Variants in SLC25A51 observed in about 807,000 individuals in gnomAD.
SLC25A51 encodes mitochondrial nicotinamide adenine dinucleotide transporter SLC25A51.
In SLC25A51, 11 loss-of-function variants were observed where a neutral mutation model predicts 19.1. That is an observed-to-expected ratio of 0.58 (90% confidence interval 0.36 to 0.96). SLC25A51 has a LOEUF of 0.96. Ranked by LOEUF, SLC25A51 falls within the 40% of genes least tolerant of loss-of-function variation. SLC25A51 has a pLI of 0.01. For synonymous variants in SLC25A51, 105 were observed against 133.6 expected, an observed-to-expected ratio of 0.79 and a Z score of 1.47; for missense variants, 201 against 365.4, an observed-to-expected ratio of 0.55 and a Z score of 3.67.
chr9:37,894,662 GGTTT>G (rs1429944056), intron 2 of SLC25A51, among the ~76,000 whole-genome samples: 1 of 152,048 alleles, frequency 6.6e-6, no homozygotes, highest in Non-Finnish European at 1.5e-5. Flanking sequence ...TACGTGTGCA[GGTTT>G]GTTATGTAAA....
At chr9:37,889,255 G>A (rs1381702364) in intron 2 of SLC25A51, among the ~76,000 whole-genome samples, 4 of 152,140 alleles carry the variant, frequency 2.6e-5, no homozygotes, top group Non-Finnish European at 4.4e-5. Flanking sequence ...AGCAAGACAT[G>A]CACTCATTCT....
At chr9:37,891,872 A>G (rs1269031426) in intron 2 of SLC25A51, among the ~76,000 whole-genome samples, 1 of 143,444 alleles carries the variant, frequency 7.0e-6, no homozygotes, top group African/African-American at 2.6e-5. Context: ...AAAATTTTAT[A>G]TATATATATA....
chr9:37,900,542 C>A (rs1587173309), intron 1 of SLC25A51, among the ~76,000 whole-genome samples: 2 of 152,162 alleles, frequency 1.3e-5, no homozygotes, highest in South Asian at 4.2e-4. Context: ...ACCCCTGGGG[C>A]CTCAGTCTCC....
chr9:37,893,583 T>TCCATACCACCTCTAAG (rs2118344120), intron 2 of SLC25A51, among the ~76,000 whole-genome samples: 1 of 152,342 alleles, frequency 6.6e-6, no homozygotes, highest in African/African-American at 2.4e-5. Flanking sequence ...CAAAATATTT[T>TCCATACCACCTCTAAG]GTTCAGTTGA....
chr9:37,887,457 A>G, downstream of SLC25A51: 1 of 606,268 alleles, frequency 1.6e-6, no homozygotes, highest in Non-Finnish European at 2.8e-6. Flanking sequence ...TAGAGGCTTG[A>G]GACTTTCCTT....
downstream of SLC25A51, among the ~76,000 whole-genome samples, chr9:37,884,073 T>C (rs1397382162): frequency 6.6e-6 from 1 of 152,238 alleles, no homozygotes; most frequent in Non-Finnish European, 1.5e-5. Context: ...AATATTCATA[T>C]GCAATTATCC....
chr9:37,884,039 C>G (rs79062820), downstream of SLC25A51, among the ~76,000 whole-genome samples: 810 of 152,214 alleles, frequency 5.3e-3, 6 homozygotes, highest in African/African-American at 0.019. Flanking sequence ...CAAGTTGAGG[C>G]CTTTATTTTG....
downstream of SLC25A51, among the ~76,000 whole-genome samples, chr9:37,885,521 C>T (rs1385329529): frequency 6.6e-6 from 1 of 152,134 alleles, no homozygotes; most frequent in East Asian, 1.9e-4. Context: ...TCCCGAGTAG[C>T]TAGGACTACA....
At chr9:37,882,483 C>T (rs1831368187) in intron 2 of SLC25A51, among the ~76,000 whole-genome samples, 1 of 152,212 alleles carries the variant, frequency 6.6e-6, no homozygotes, top group Non-Finnish European at 1.5e-5. Context: ...TAATTATATA[C>T]ACAAACGCTT....
chr9:37,901,673 A>AG (rs1831851108), intron 1 of SLC25A51, among the ~76,000 whole-genome samples: 1 of 152,182 alleles, frequency 6.6e-6, no homozygotes, highest in Non-Finnish European at 1.5e-5. Context: ...ATAAGATTAA[A>AG]GGGAAAAAAA....
At chr9:37,888,675 A>G (rs1831516322) in intron 2 of SLC25A51, 83 bp from the exon 3 acceptor site, 3 of 1,071,234 alleles carry the variant, frequency 2.8e-6, no homozygotes, top group Non-Finnish European at 4.0e-6. Context: ...ATCCTCTAAT[A>G]TCTGGACACC....
intron 2 of SLC25A51, among the ~76,000 whole-genome samples, chr9:37,894,235 T>C (rs1347333994): frequency 6.6e-6 from 1 of 152,108 alleles, no homozygotes; most frequent in African/African-American, 2.4e-5. Context: ...TGAGTGGGTA[T>C]ACAAAAGATA....
At chr9:37,901,436 T>G (rs1831846840) in intron 1 of SLC25A51, among the ~76,000 whole-genome samples, 1 of 152,244 alleles carries the variant, frequency 6.6e-6, no homozygotes, top group African/African-American at 2.4e-5. Flanking sequence ...CCCAAAGTGC[T>G]GGGATTACAG....
At chr9:37,888,624 G>A (rs183721121) in intron 2 of SLC25A51, 32 bp from the exon 3 acceptor site, 13 of 1,496,974 alleles carry the variant, frequency 8.7e-6, no homozygotes, top group African/African-American at 1.4e-5. Flanking sequence ...GGGTAAACCC[G>A]TTTTATAGAG....
downstream of SLC25A51, chr9:37,878,488 GT>G: frequency 1.0e-5 from 2 of 197,986 alleles, no homozygotes; most frequent in South Asian, 1.1e-4. Context: ...AAGTGGAGAT[GT>G]TTTTCAAGGA....
At position 37,889,634 on chromosome 9, in the gene SLC25A51, T is replaced by A. The variant is rs1831536414; in HGVS notation, c.-42-1042A>T. Among the ~76,000 whole-genome samples the A allele has an allele frequency of 4.0e-5, 6 of 151,698 alleles. No homozygotes were observed. The South Asian group carries it at 1.3e-3, about 32-fold the overall frequency. ...CAGCTAGTAACTGGTGGGGTCAGCA[T>A]TCTGAAATGAAGTCTGAGTGATTCC... On this transcript the variant is annotated intron_variant, in intron 2 of 2. Transcript: ENST00000242275.
intron 3 of SLC25A51, among the ~76,000 whole-genome samples, chr9:37,881,079 T>C (rs914309604): frequency 6.6e-6 from 1 of 151,950 alleles, no homozygotes; most frequent in Non-Finnish European, 1.5e-5. Context: ...ACCTCAATGA[T>C]CTCTAAAGCC....
At chr9:37,890,800 G>T (rs1470399734) in intron 2 of SLC25A51, among the ~76,000 whole-genome samples, 5 of 152,196 alleles carry the variant, frequency 3.3e-5, no homozygotes, top group East Asian at 3.9e-4. Flanking sequence ...GTTCACAGAA[G>T]TACTATTCAC....
At chr9:37,901,291 T>C (rs1241640668) in intron 1 of SLC25A51, among the ~76,000 whole-genome samples, 1 of 152,100 alleles carries the variant, frequency 6.6e-6, no homozygotes, top group African/African-American at 2.4e-5. Flanking sequence ...TGCCTCAGCC[T>C]CCCAAGTAGC....
Sources: gnomAD v4.1 joint callset for allele counts (sites outside exome capture counted in the v4.1 genomes callset) on GRCh38, gnomAD v4.1.1 for gene constraint, MANE v1.5 for transcripts, NCBI Gene and HGNC (gene_info 2026-07-23, HGNC 2026-07-21) for gene names.